Variants in IMPG1 observed in about 807,000 individuals in gnomAD.
The protein encoded by IMPG1 is interphotoreceptor matrix proteoglycan of 150 kDa.
Under a neutral mutation model 92.0 loss-of-function variants are expected in IMPG1, and 85 were observed. The ratio of observed to expected loss-of-function variants is 0.92; its 90% CI spans 0.78 to 1.11. The LOEUF (loss-of-function observed/expected upper bound fraction) is 1.11. IMPG1 is among the 50% of genes least tolerant of loss of function. The probability of loss-of-function intolerance (pLI) is 0.00; values close to 1 mark genes in which losing one functional copy is unlikely to be tolerated. For missense variants in IMPG1, 1,022 were observed against 956.0 expected, an observed-to-expected ratio of 1.07 and a Z score of -0.91; for synonymous variants, 367 against 334.1, an observed-to-expected ratio of 1.10 and a Z score of -1.08.
chr6:75,948,715 A>C (rs1781973524), intron 13 of IMPG1, among the ~76,000 whole-genome samples: 1 of 152,154 alleles, frequency 6.6e-6, no homozygotes, highest in Admixed American at 6.5e-5. Flanking sequence ...TGCTTCTCCC[A>C]AATCCATTTT....
rs146186081 is a variant in IMPG1, at chr6:76,018,640, C to T, written c.807+78G>A. 1.3e-3 allele frequency: 1,794 copies of T among 1,333,680 alleles called. 19 individuals are homozygous for T. In the African/African-American group the frequency reaches 0.023, roughly 17 times the overall value. The allele number at this position is 1,333,680 out of a possible 1,614,324, so 82.6% of individuals were successfully genotyped here. On this transcript the variant is annotated intron_variant, in intron 7 of 16. Transcript: ENST00000369950. ...GCCAGGAGAAGCTGGAACTGTTCGC[C>T]GTAAGGGTTTATGTCCTATCGGCTC...
chr6:76,058,321 A>G (rs1003973039), intron 1 of IMPG1, among the ~76,000 whole-genome samples: 4 of 152,188 alleles, frequency 2.6e-5, no homozygotes, highest in African/African-American at 7.2e-5. Context: ...ACTTCAAATG[A>G]AGTCAAATGA....
intron 1 of IMPG1, among the ~76,000 whole-genome samples, chr6:76,047,338 A>G (rs1052016747): frequency 2.6e-5 from 4 of 152,112 alleles, no homozygotes; most frequent in Non-Finnish European, 5.9e-5. Flanking sequence ...GCTTTCTCAG[A>G]TCCCACATTC....
chr6:75,947,328 A>G lies in IMPG1; in HGVS notation c.2030T>C (p.Leu677Pro), dbSNP rs753298586. The G allele has an allele frequency of 5.1e-5, 82 of 1,613,030 alleles. No individual in the cohort carries two copies. Among genetic ancestry groups the G allele is most frequent in the Non-Finnish European group, 7.0e-5 (82 of 1,179,172 alleles). ...GATTCTTTTACCTGGTTCAATGTTG[A>G]GAGAGTAGCTGTCTATTTCCAGATG... ...QLHLEIDSYS[L>P]NIEPADQADP... The change falls in exon 14 of 17, where the codon CTC becomes CCC. Residue 677 changes from leucine to proline, a missense_variant. Physicochemically the swap from Leu to Pro is moderately conservative, Grantham distance 98 (BLOSUM62 -3). Around this residue, in one of 3 missense-constraint regions of IMPG1, gnomAD observed 332 missense variants for 346.2 expected, o/e 0.96. Coordinates refer to ENST00000369950, the MANE Select transcript of IMPG1 (RefSeq NM_001563.4).
chr6:75,932,680 G>A (rs892386205), intron 14 of IMPG1, among the ~76,000 whole-genome samples: 16 of 151,924 alleles, frequency 1.1e-4, no homozygotes, highest in African/African-American at 3.6e-4. Flanking sequence ...TTATTCATGG[G>A]TAGGCCATAC....
chr6:76,041,905 A>T lies in IMPG1; in HGVS notation c.289T>A (p.Tyr97Asn), dbSNP rs201230378. Reference sequence around the variant, plus strand: ...TCTCTTTCCTTACCTCTCAATCTATAATAAGCTTGAAGACTGTCTAAAATC... The same window carrying T: ...TCTCTTTCCTTACCTCTCAATCTATTATAAGCTTGAAGACTGTCTAAAATC... The part of the protein sequence containing the change: ...KQILDSLQAY[Y>N]RLRVCQEAVW... Residue 97 changes from tyrosine to asparagine, a missense_variant, in exon 2 of 17, where the codon TAT becomes AAT. Tyr to Asn is a moderately radical substitution (Grantham distance 143). This residue lies in a region of IMPG1 where 681 missense variants were observed against 583.6 expected (regional missense o/e 1.17). Transcript: ENST00000369950. The T allele has an allele frequency of 1.3e-6, 2 of 1,597,828 alleles. No homozygotes were observed. Among genetic ancestry groups the T allele is most frequent in the Non-Finnish European group, 1.7e-6 (2 of 1,165,200 alleles).
chr6:75,973,047 A>G (rs1004845975), intron 12 of IMPG1, among the ~76,000 whole-genome samples: 1 of 152,164 alleles, frequency 6.6e-6, no homozygotes, highest in Non-Finnish European at 1.5e-5. Flanking sequence ...TCATGGCTCA[A>G]TGCAGCCTCG....
intron 12 of IMPG1, among the ~76,000 whole-genome samples, chr6:75,957,095 T>A (rs922628997): frequency 6.6e-6 from 1 of 152,224 alleles, no homozygotes; most frequent in Admixed American, 6.5e-5. Flanking sequence ...AATTTTTGTA[T>A]TTTTAGTAGA....
At chr6:75,985,405 C>T (rs1441056307) in intron 12 of IMPG1, among the ~76,000 whole-genome samples, 2 of 152,164 alleles carry the variant, frequency 1.3e-5, no homozygotes, top group Non-Finnish European at 2.9e-5. Flanking sequence ...CTAGGGAATA[C>T]ACACAGGTAG....
chr6:76,011,674 C>T (rs1007169170), intron 7 of IMPG1, among the ~76,000 whole-genome samples: 4 of 150,990 alleles, frequency 2.6e-5, no homozygotes, highest in African/African-American at 4.9e-5. Context: ...CATGCTGGTG[C>T]GCTGCACCCA....
At chr6:75,940,945 A>T (rs2149453836) in intron 14 of IMPG1, among the ~76,000 whole-genome samples, 1 of 152,304 alleles carries the variant, frequency 6.6e-6, no homozygotes, top group South Asian at 2.1e-4. Context: ...CTGTCTGTAT[A>T]TGCCTGCTAT....
In IMPG1 at chr6:76,002,735, T is replaced by C. The variant is rs550491311; in HGVS notation, c.1291+183A>G. On this transcript the variant is annotated intron_variant, in intron 12 of 16. Coordinates refer to ENST00000369950, the MANE Select transcript of IMPG1 (RefSeq NM_001563.4). ...AACTAGAGCTGAAGGAAGGATGCTG[T>C]GGATGTCCTCCTCTGCAGAAAGGTT... 1.4e-3 allele frequency among the ~76,000 whole-genome samples: 207 copies of C among 152,352 alleles called. 1 individual carries two copies. The highest frequency in any genetic ancestry group is 3.3e-3 in the African/African-American group (139 of 41,596).
At chr6:75,991,028 A>G (rs1395195102) in intron 12 of IMPG1, among the ~76,000 whole-genome samples, 1 of 152,144 alleles carries the variant, frequency 6.6e-6, no homozygotes, top group Non-Finnish European at 1.5e-5. Context: ...TCTTCCTCAT[A>G]GTCTCACAGG....
At chr6:75,946,913 A>C (rs1265796998) in intron 14 of IMPG1, among the ~76,000 whole-genome samples, 1 of 152,166 alleles carries the variant, frequency 6.6e-6, no homozygotes, top group Admixed American at 6.5e-5. Flanking sequence ...TGTGATTGAA[A>C]GATTGCTTAG....
intron 8 of IMPG1, 121 bp downstream of exon 8, chr6:76,011,045 G>C: frequency 3.3e-6 from 2 of 604,384 alleles, no homozygotes; most frequent in Non-Finnish European, 6.0e-6. Context: ...TCCGTTTCCA[G>C]GATTTGGCAG....
Position 75,928,859 on chromosome 6 carries a change from A to G in IMPG1, c.2243+2094T>C, listed in dbSNP as rs115970112. 2.8e-3 allele frequency among the ~76,000 whole-genome samples: 433 copies of G among 152,346 alleles called. 2 individuals carry two copies. Among genetic ancestry groups the G allele is most frequent in the African/African-American group, 0.01 (418 of 41,578 alleles). On this transcript the variant is annotated intron_variant, in intron 15 of 16. Transcript: ENST00000369950. ...AACCTAATATACTTACAGTATTGTT[A>G]TTAATTTATTACATGTACGGGATCT...
At chr6:75,923,000 G>T (rs553363033) in intron 16 of IMPG1, among the ~76,000 whole-genome samples, 5 of 151,934 alleles carry the variant, frequency 3.3e-5, no homozygotes, top group African/African-American at 1.2e-4. Context: ...TTGAAAATGG[G>T]TAGTTTTAGG....
At chr6:75,990,055 G>A (rs1782788875) in intron 12 of IMPG1, among the ~76,000 whole-genome samples, 1 of 152,018 alleles carries the variant, frequency 6.6e-6, no homozygotes, top group South Asian at 2.1e-4. Context: ...GTCATTCAAA[G>A]CAAATAAACA....
In IMPG1 at chr6:76,002,798, GC is replaced by G. The variant is rs1180150814; in HGVS notation, c.1291+119del. ...TGCTTTTCTGTTGGAAATGCTGGTGGCAGTGAACCTTTTCCTGGGTTCGGGA... is the reference window on the plus strand; with the variant it reads ...TGCTTTTCTGTTGGAAATGCTGGTGGAGTGAACCTTTTCCTGGGTTCGGGA... On this transcript the variant is annotated intron_variant, in intron 12 of 16. Coordinates refer to ENST00000369950, the MANE Select transcript of IMPG1 (RefSeq NM_001563.4). 4 of 721,354 alleles carry G rather than the reference GC, an allele frequency of 5.5e-6. No homozygotes were observed. In the East Asian group the frequency reaches 1.1e-4, roughly 19 times the overall value. The allele number at this position is 721,354 out of a possible 1,614,324, so 44.7% of individuals were successfully genotyped here. A position where few individuals can be genotyped will look rare whatever the true frequency, so the allele number is the denominator to read the frequency against.
Sources: allele counts gnomAD v4.1 joint callset (sites outside exome capture counted in the v4.1 genomes callset), GRCh38; gene constraint gnomAD v4.1.1; regional missense constraint gnomAD v4.1.1; transcripts MANE v1.5; gene names NCBI Gene and HGNC (gene_info 2026-07-23, HGNC 2026-07-21).